GPC6: variants seen among roughly 807,000 people sequenced by gnomAD.
GPC6 encodes glypican-6.
Under a neutral mutation model 55.2 loss-of-function variants are expected in GPC6, and 14 were observed. The ratio of observed to expected loss-of-function variants is 0.25; its 90% confidence interval spans 0.17 to 0.40. The LOEUF is 0.40. GPC6 is among the 10% of genes least tolerant of loss of function. The pLI is 1.00. For synonymous variants in GPC6, 278 were observed against 259.6 expected (o/e 1.07, Z -0.68); for missense variants, 641 against 708.5 (o/e 0.90, Z 1.08).
rs548063107 is a variant in GPC6, at chr13:93,660,031, T to C, written c.319+114610T>C. On this transcript the variant is annotated intron_variant, in intron 2 of 8. Transcript: ENST00000377047. The stretch of plus-strand genomic sequence containing the variant: ...GAAACTTAAAACTGTTCTCTTTTTA[T>C]TGCTATAATCAGCATGGCATTTCTT... Among the ~76,000 whole-genome samples, 21 of 152,258 alleles carry C rather than the reference T, an allele frequency of 1.4e-4. No homozygotes were observed. In the South Asian group the frequency reaches 4.3e-3, roughly 32 times the overall value.
At chr13:94,172,525 CT>C (rs1434640264) in intron 4 of GPC6, among the ~76,000 whole-genome samples, 6 of 152,206 alleles carry the variant, frequency 3.9e-5, no homozygotes, top group Non-Finnish European at 5.9e-5. Context: ...CTGATACTTG[CT>C]TTGGTAAATA....
At chr13:94,259,087 A>G (rs1161261034) in intron 4 of GPC6, among the ~76,000 whole-genome samples, 2 of 151,756 alleles carry the variant, frequency 1.3e-5, no homozygotes, top group African/African-American at 4.8e-5. Flanking sequence ...AGCCCCTAGC[A>G]CACTGGAAAC....
intron 4 of GPC6, among the ~76,000 whole-genome samples, chr13:94,145,212 T>C (rs1400405931): frequency 1.3e-5 from 2 of 152,044 alleles, no homozygotes; most frequent in Admixed American, 6.6e-5. Context: ...TATATTAAAA[T>C]CTATACTTGG....
chr13:93,554,394 C>T (rs1196010190), intron 2 of GPC6, among the ~76,000 whole-genome samples: 1 of 152,116 alleles, frequency 6.6e-6, no homozygotes, highest in Non-Finnish European at 1.5e-5. Context: ...ATTATTATTG[C>T]GCTGGAAATG....
At chr13:93,720,686 T>C (rs764140261) in intron 2 of GPC6, among the ~76,000 whole-genome samples, 102 of 152,236 alleles carry the variant, frequency 6.7e-4, no homozygotes, top group Middle Eastern at 3.4e-3. Context: ...CTTTCCCACT[T>C]TCTCATGTGG....
At chr13:93,950,509 C>T (rs186223056) in intron 3 of GPC6, among the ~76,000 whole-genome samples, 4 of 152,222 alleles carry the variant, frequency 2.6e-5, no homozygotes, top group Non-Finnish European at 5.9e-5. Context: ...GACGTATAGA[C>T]CTCAAAATTA....
chr13:93,730,839 T>C (rs1883796856), intron 2 of GPC6, among the ~76,000 whole-genome samples: 1 of 152,140 alleles, frequency 6.6e-6, no homozygotes, highest in African/African-American at 2.4e-5. Flanking sequence ...CTGCGGCCTT[T>C]CTTGAAGCAA....
At chr13:94,084,046 A>G (rs1885199049) in intron 4 of GPC6, among the ~76,000 whole-genome samples, 2 of 152,366 alleles carry the variant, frequency 1.3e-5, no homozygotes, top group South Asian at 2.1e-4. Flanking sequence ...TCATATTACT[A>G]TGTACTGGCT....
chr13:94,318,374 A>G (rs1203995978), intron 6 of GPC6, among the ~76,000 whole-genome samples: 5 of 152,126 alleles, frequency 3.3e-5, no homozygotes, highest in African/African-American at 4.8e-5. Flanking sequence ...TTTTTTTCCT[A>G]TACATACATA....
intron 2 of GPC6, among the ~76,000 whole-genome samples, chr13:93,735,526 A>G (rs931045283): frequency 3.3e-5 from 5 of 152,028 alleles, no homozygotes; most frequent in African/African-American, 1.2e-4. Flanking sequence ...ATCTCAAAAA[A>G]AAAAAAAAGA....
rs149585402 is a variant in GPC6, at chr13:93,539,125, G to T, written c.161-6138G>T. ...TATAAAAGTCATTAAAACACTTAGA[G>T]ATTTTGATTGTGGATATTTGATTTT... is the stretch of plus-strand genomic sequence containing the variant. On this transcript the variant is annotated intron_variant, in intron 1 of 8. Transcript: ENST00000377047. Among the ~76,000 whole-genome samples, 47 of 152,188 alleles carry T rather than the reference G, an allele frequency of 3.1e-4. No individual in the cohort carries two copies. In the East Asian group the frequency reaches 7.9e-3, roughly 26 times the overall value.
chr13:93,659,734 T>C (rs1006543790), intron 2 of GPC6, among the ~76,000 whole-genome samples: 1 of 152,034 alleles, frequency 6.6e-6, no homozygotes, highest in Non-Finnish European at 1.5e-5. Context: ...AGATATTAAG[T>C]AATTTGACCA....
chr13:94,038,581 T>C lies in GPC6; in HGVS notation c.877+10687T>C, dbSNP rs955646592. Among the ~76,000 whole-genome samples the C allele has an allele frequency of 2.6e-5, 4 of 152,018 alleles. 1 individual carries two copies. Among genetic ancestry groups the C allele is most frequent in the Admixed American group, 2.0e-4 (3 of 15,236 alleles). On this transcript the variant is annotated intron_variant, in intron 4 of 8. Coordinates refer to ENST00000377047, the MANE Select transcript of GPC6 (RefSeq NM_005708.5). Reference sequence around the variant, plus strand: ...TATAACCTGTGTGACTTAGGGAACATAATTTAACCTGCATAAATCTCAGTT... The same window carrying C: ...TATAACCTGTGTGACTTAGGGAACACAATTTAACCTGCATAAATCTCAGTT...
intron 2 of GPC6, among the ~76,000 whole-genome samples, chr13:93,764,816 T>A (rs1414167214): frequency 6.6e-6 from 1 of 152,098 alleles, no homozygotes; most frequent in East Asian, 1.9e-4. Flanking sequence ...TTATTTATTT[T>A]TTAGACAGAG....
intron 4 of GPC6, among the ~76,000 whole-genome samples, chr13:94,273,658 T>A (rs139200258): frequency 1.1e-4 from 16 of 152,300 alleles, no homozygotes; most frequent in African/African-American, 3.1e-4. Context: ...GTGTACCAGA[T>A]GGAGTGAGAG....
chr13:93,473,344 G>T (rs1229489344), intron 1 of GPC6, among the ~76,000 whole-genome samples: 2 of 152,188 alleles, frequency 1.3e-5, no homozygotes, highest in Admixed American at 1.3e-4. Flanking sequence ...GGTGCAGGGG[G>T]ATGATGTGTC....
chr13:93,882,080 C>CT (rs1042433594), intron 3 of GPC6, among the ~76,000 whole-genome samples: 3 of 150,968 alleles, frequency 2.0e-5, no homozygotes, highest in African/African-American at 4.9e-5. Context: ...CTTTTCTCTT[C>CT]TTTTTTTTCT....
At chr13:94,069,152 C>T (rs1347026110) in intron 4 of GPC6, among the ~76,000 whole-genome samples, 1 of 152,170 alleles carries the variant, frequency 6.6e-6, no homozygotes, top group African/African-American at 2.4e-5. Flanking sequence ...TGGAAGTTCC[C>T]AAACCCCCAT....
Position 93,710,967 on chromosome 13 carries a change from G to A in GPC6, c.320-119187G>A, listed in dbSNP as rs142399504. ...TAAATTACTTATTAGAAGACTGAAA[G>A]CATTTCTGTTCATAACTTGTTCATT... On this transcript the variant is annotated intron_variant, in intron 2 of 8. Coordinates refer to ENST00000377047, the MANE Select transcript of GPC6 (RefSeq NM_005708.5). Among the ~76,000 whole-genome samples, 450 of 151,812 alleles carry A rather than the reference G, an allele frequency of 3.0e-3. 1 individual carries two copies. The highest frequency in any genetic ancestry group is 0.01 in the African/African-American group (426 of 41,466).
Sources: gnomAD v4.1 joint callset for allele counts (sites outside exome capture counted in the v4.1 genomes callset) on GRCh38, gnomAD v4.1.1 for gene constraint, MANE v1.5 for transcripts, NCBI Gene and HGNC (gene_info 2026-07-23, HGNC 2026-07-21) for gene names.